FHIT: variants seen among roughly 807,000 people sequenced by gnomAD.
FHIT encodes the protein bis(5'-adenosyl)-triphosphatase.
A neutral mutation model predicts 17.9 loss-of-function variants in FHIT; 19 were observed. That is an observed-to-expected ratio of 1.06 (90% CI 0.74 to 1.56). FHIT has a LOEUF of 1.56. FHIT is among the 40% of genes most tolerant of loss of function. The pLI is 0.00. For missense variants in FHIT, 248 were observed against 189.2 expected, an observed-to-expected ratio of 1.31 and a Z score of -1.82; for synonymous variants, 81 against 69.7, an observed-to-expected ratio of 1.16 and a Z score of -0.81.
At chr3:60,363,244 C>T (rs551231022) in intron 5 of FHIT, among the ~76,000 whole-genome samples, 17 of 152,210 alleles carry the variant, frequency 1.1e-4, no homozygotes, top group South Asian at 6.2e-4. Flanking sequence ...TTTGTGTCCC[C>T]ACTGAATCAC....
intron 3 of FHIT, among the ~76,000 whole-genome samples, chr3:60,826,919 T>G (rs1390271362): frequency 6.6e-6 from 1 of 152,166 alleles, no homozygotes; most frequent in African/African-American, 2.4e-5. Context: ...ATTTCGCAAT[T>G]TTGCTTGTCA....
At chr3:60,929,551 A>G (rs1707836434) in intron 3 of FHIT, among the ~76,000 whole-genome samples, 1 of 151,656 alleles carries the variant, frequency 6.6e-6, no homozygotes, top group East Asian at 1.9e-4. Context: ...AATCACAAGC[A>G]TTCTTATATA....
intron 3 of FHIT, among the ~76,000 whole-genome samples, chr3:60,961,117 T>C (rs1358276692): frequency 2.6e-5 from 4 of 152,220 alleles, no homozygotes; most frequent in African/African-American, 7.2e-5. Flanking sequence ...TTTTTAATGA[T>C]TGCCATTCTA....
chr3:60,699,546 TG>T (rs1246140438), intron 4 of FHIT, among the ~76,000 whole-genome samples: 2 of 152,170 alleles, frequency 1.3e-5, no homozygotes, highest in East Asian at 3.9e-4. Flanking sequence ...AATGGTAATT[TG>T]TAAAGTATTT....
At chr3:60,133,005 G>T (rs1699658821) in intron 5 of FHIT, among the ~76,000 whole-genome samples, 1 of 152,050 alleles carries the variant, frequency 6.6e-6, no homozygotes. Context: ...ACCCAATACA[G>T]ATTTAAATAT....
intron 8 of FHIT, among the ~76,000 whole-genome samples, chr3:59,801,929 A>T (rs929755866): frequency 6.6e-6 from 1 of 152,188 alleles, no homozygotes; most frequent in African/African-American, 2.4e-5. Context: ...GTCCATACCT[A>T]ATGTTCACAC....
chr3:60,484,347 C>T (rs909138763), intron 5 of FHIT, among the ~76,000 whole-genome samples: 30 of 152,030 alleles, frequency 2.0e-4, no homozygotes, highest in Non-Finnish European at 3.8e-4. Context: ...TCTATGAAGA[C>T]CTCTGTATAG....
chr3:60,422,949 T>C lies in FHIT; in HGVS notation c.103+113911A>G, dbSNP rs538311644. On this transcript the variant is annotated intron_variant, in intron 5 of 9. Transcript: ENST00000492590. ...CCCTCTTCACTCTCCTGAGATGAAA[T>C]CTACTCTTAAGATACTCTACCTACA... Among the ~76,000 whole-genome samples, 8 of 152,294 alleles carry C rather than the reference T, an allele frequency of 5.3e-5. 1 individual carries two copies. In the South Asian group the frequency reaches 1.2e-3, roughly 24 times the overall value.
chr3:60,221,015 A>T (rs1703935476), intron 5 of FHIT, among the ~76,000 whole-genome samples: 2 of 152,170 alleles, frequency 1.3e-5, no homozygotes, highest in Non-Finnish European at 2.9e-5. Flanking sequence ...GGCTAGCAAC[A>T]TGAATTAACA....
chr3:59,788,946 A>G (rs548343264), intron 8 of FHIT, among the ~76,000 whole-genome samples: 11 of 140,648 alleles, frequency 7.8e-5, no homozygotes, highest in Middle Eastern at 4.3e-3. Context: ...GAGACCAAAG[A>G]GACTTATGAA....
intron 5 of FHIT, among the ~76,000 whole-genome samples, chr3:60,493,328 C>T (rs1276900312): frequency 8.5e-5 from 13 of 152,132 alleles, no homozygotes; most frequent in African/African-American, 2.7e-4. Context: ...GTAGAATCAG[C>T]CTATATCCAA....
intron 8 of FHIT, among the ~76,000 whole-genome samples, chr3:59,786,374 T>C (rs1006611300): frequency 6.6e-6 from 1 of 152,190 alleles, no homozygotes; most frequent in African/African-American, 2.4e-5. Context: ...TCTTTCTACC[T>C]GGAGCTTTAC....
intron 3 of FHIT, among the ~76,000 whole-genome samples, chr3:60,982,125 T>C (rs73836075): frequency 2.2e-3 from 336 of 152,324 alleles, no homozygotes; most frequent in African/African-American, 7.5e-3. Flanking sequence ...AAAGACTAAA[T>C]GGATCATGTC....
chr3:60,254,318 G>C (rs1054685257), intron 5 of FHIT, among the ~76,000 whole-genome samples: 2 of 152,088 alleles, frequency 1.3e-5, no homozygotes, highest in African/African-American at 4.8e-5. Flanking sequence ...AGGTAGCAAA[G>C]ACCCTAATAA....
chr3:59,985,957 G>GA (rs960441285), intron 7 of FHIT, among the ~76,000 whole-genome samples: 5 of 151,342 alleles, frequency 3.3e-5, no homozygotes, highest in East Asian at 1.9e-4. Context: ...CAGAGAGAGA[G>GA]AAAAAAAAGA....
At chr3:61,126,962 G>A (rs2036625474) in intron 2 of FHIT, among the ~76,000 whole-genome samples, 1 of 152,150 alleles carries the variant, frequency 6.6e-6, no homozygotes, top group Non-Finnish European at 1.5e-5. Flanking sequence ...TAGAGAGCCT[G>A]GAGTGGAATG....
At chr3:59,852,473 C>G (rs1701980033) in intron 8 of FHIT, among the ~76,000 whole-genome samples, 1 of 152,164 alleles carries the variant, frequency 6.6e-6, no homozygotes, top group Non-Finnish European at 1.5e-5. Context: ...CCCATATTAA[C>G]TTCCCCCCAC....
At chr3:60,563,886 G>C (rs1196813371) in intron 4 of FHIT, among the ~76,000 whole-genome samples, 1 of 152,202 alleles carries the variant, frequency 6.6e-6, no homozygotes, top group Non-Finnish European at 1.5e-5. Flanking sequence ...GCTGCAGCAA[G>C]TTTTCCAGAA....
At chr3:60,048,307 G>T (rs1218666197) in intron 5 of FHIT, among the ~76,000 whole-genome samples, 2 of 152,142 alleles carry the variant, frequency 1.3e-5, no homozygotes, top group African/African-American at 4.8e-5. Flanking sequence ...CTCCCGAGTA[G>T]CTGGGACTAC....
Sources: gnomAD v4.1 joint callset for allele counts (sites outside exome capture counted in the v4.1 genomes callset) on GRCh38, gnomAD v4.1.1 for gene constraint, MANE v1.5 for transcripts, NCBI Gene and HGNC (gene_info 2026-07-23, HGNC 2026-07-21) for gene names.